The following XRN1 variants were observed in gnomAD, a reference collection of about 807,000 sequenced individuals.
XRN1 encodes strand-exchange protein 1 homolog.
A neutral mutation model predicts 222.3 loss-of-function variants in XRN1; 67 were observed. The observed-to-expected ratio is 0.30, with a 90% CI of 0.25 to 0.37. The LOEUF (loss-of-function observed/expected upper bound fraction) is 0.37, where lower values mean the gene tolerates loss of function less well. XRN1 is among the 10% of genes least tolerant of loss of function. XRN1 has a pLI of 1.00. For missense variants in XRN1, 1,707 were observed against 2,000.2 expected, an observed-to-expected ratio of 0.85 and a Z score of 2.80; for synonymous variants, 643 against 652.4, an observed-to-expected ratio of 0.99 and a Z score of 0.22.
intron 39 of XRN1, among the ~76,000 whole-genome samples, chr3:142,313,802 G>A (rs2065136940): frequency 6.6e-6 from 1 of 152,172 alleles, no homozygotes; most frequent in Admixed American, 6.5e-5. Flanking sequence ...GGGATGCCAG[G>A]CATGGCACGT....
At position 142,421,502 on chromosome 3, in the gene XRN1, C is replaced by G; in HGVS notation, c.1009G>C (p.Glu337Gln). ...ESGHLNLPRFEKYLVKLSDFD... is the reference protein window; with the variant it reads ...ESGHLNLPRFQKYLVKLSDFD... ...TCTGATAGTTTCACAAGGTATTTCT[C>G]AAATCGAGGTAAGTTGAGGTGCCCA... Residue 337 changes from glutamate (E) to glutamine (Q), a missense_variant, in exon 9 of 41, where the codon GAG becomes CAG. Transcript: ENST00000392981. 1 of 1,609,510 alleles carries G rather than the reference C, an allele frequency of 6.2e-7. No individual in the cohort carries two copies. The highest frequency in any genetic ancestry group is 1.3e-5 in the African/African-American group (1 of 74,804).
chr3:142,336,225 G>A (rs982304745), intron 33 of XRN1, among the ~76,000 whole-genome samples: 1 of 152,052 alleles, frequency 6.6e-6, no homozygotes, highest in African/African-American at 2.4e-5. Context: ...AGAATATGAA[G>A]ATGAAAAATA....
At chr3:142,334,995 C>A (rs371751954) in intron 34 of XRN1, among the ~76,000 whole-genome samples, 14 of 151,936 alleles carry the variant, frequency 9.2e-5, no homozygotes, top group Admixed American at 9.2e-4. Flanking sequence ...CATGCCACCA[C>A]GCCTGGCTGA....
rs916274286 is a variant in XRN1, at chr3:142,307,968, C to T, written c.*3543G>A. ...CAGTAAAAACAAAATTTGGAAGCAACATGATACCAAGAAATACAGCAAGCT... is the reference window on the plus strand; with the variant it reads ...CAGTAAAAACAAAATTTGGAAGCAATATGATACCAAGAAATACAGCAAGCT... On this transcript the variant is annotated 3_prime_UTR_variant, in exon 41 of 41. Coordinates refer to ENST00000392981, the MANE Select transcript of XRN1 (RefSeq NM_001282857.2). The T allele has an allele frequency of 6.6e-6, 1 of 152,128 alleles. No homozygotes were observed. Among genetic ancestry groups the T allele is most frequent in the African/African-American group, 2.4e-5 (1 of 41,436 alleles). The allele number at this position is 152,128 out of a possible 1,614,324, so 9.4% of individuals were successfully genotyped here.
At chr3:142,364,258 C>T (rs978088288) in intron 29 of XRN1, among the ~76,000 whole-genome samples, 4 of 152,268 alleles carry the variant, frequency 2.6e-5, no homozygotes, top group South Asian at 2.1e-4. Context: ...CCAAGAGGTT[C>T]GGTGCCTGGG....
At chr3:142,403,596 T>A (rs1409155862) in intron 18 of XRN1, 78 bp downstream of exon 18, 3 of 1,328,444 alleles carry the variant, frequency 2.3e-6, no homozygotes, top group Non-Finnish European at 3.2e-6. Flanking sequence ...ATATAATACC[T>A]CCCTGGTAAA....
At chr3:142,314,375 C>T (rs1199720490) in intron 39 of XRN1, among the ~76,000 whole-genome samples, 2 of 152,072 alleles carry the variant, frequency 1.3e-5, no homozygotes, top group East Asian at 1.9e-4. Flanking sequence ...GGAAAACAAA[C>T]ATTCCTCTTA....
At chr3:142,341,933 G>A (rs1406945802) in intron 33 of XRN1, among the ~76,000 whole-genome samples, 1 of 152,100 alleles carries the variant, frequency 6.6e-6, no homozygotes, top group Non-Finnish European at 1.5e-5. Context: ...CAGGTATATA[G>A]AGCAAATATT....
intron 18 of XRN1, 137 bp from the exon 19 acceptor site, chr3:142,400,684 A>C: frequency 1.7e-6 from 1 of 578,164 alleles, no homozygotes; most frequent in Non-Finnish European, 3.1e-6. Context: ...AGTGACTCAC[A>C]CCTGTAATCC....
At chr3:142,362,117 G>A (rs1176512473) in intron 29 of XRN1, among the ~76,000 whole-genome samples, 8 of 149,844 alleles carry the variant, frequency 5.3e-5, no homozygotes, top group African/African-American at 9.8e-5. Context: ...TACAGGTGCC[G>A]GCCACCATTC....
At chr3:142,351,596 T>A (rs903621232) in intron 32 of XRN1, among the ~76,000 whole-genome samples, 1 of 152,166 alleles carries the variant, frequency 6.6e-6, no homozygotes, top group Non-Finnish European at 1.5e-5. Context: ...TGCCTTTATC[T>A]ATTTGTTCAA....
intron 18 of XRN1, 140 bp downstream of exon 18, chr3:142,403,530 TATGA>T (rs2068224223): frequency 1.5e-6 from 1 of 664,816 alleles, no homozygotes; most frequent in Non-Finnish European, 2.6e-6. Context: ...ATCTAATTTG[TATGA>T]ATGTTTCTTT....
chr3:142,351,117 A>G (rs1224577823), intron 32 of XRN1, among the ~76,000 whole-genome samples: 2 of 152,160 alleles, frequency 1.3e-5, no homozygotes, highest in African/African-American at 4.8e-5. Flanking sequence ...CTATCTGTCT[A>G]TAATTATCTA....
intron 16 of XRN1, 70 bp downstream of exon 16, chr3:142,404,837 C>A: frequency 7.4e-6 from 11 of 1,477,236 alleles, no homozygotes; most frequent in Non-Finnish European, 1.0e-5. Context: ...AAAGCTCCCC[C>A]TTCACCACTT....
intron 26 of XRN1, 28 bp from the exon 27 acceptor site, chr3:142,370,648 T>C: frequency 6.5e-7 from 1 of 1,546,910 alleles, no homozygotes; most frequent in South Asian, 1.3e-5. Flanking sequence ...ATTTTTAAAA[T>C]TTGATTAAAA....
intron 22 of XRN1, among the ~76,000 whole-genome samples, chr3:142,380,994 T>G (rs965134858): frequency 8.0e-6 from 1 of 124,960 alleles, no homozygotes; most frequent in African/African-American, 2.9e-5. Flanking sequence ...TTGCAAATAA[T>G]TTCAAAGTAC....
intron 25 of XRN1, among the ~76,000 whole-genome samples, chr3:142,374,274 A>G (rs2067074532): frequency 6.6e-6 from 1 of 152,202 alleles, no homozygotes; most frequent in African/African-American, 2.4e-5. Context: ...GAGCTGCACA[A>G]CAGCCCTAGA....
chr3:142,445,197 AT>A (rs953526003), intron 1 of XRN1, among the ~76,000 whole-genome samples: 54 of 148,734 alleles, frequency 3.6e-4, no homozygotes, highest in African/African-American at 1.1e-3. Flanking sequence ...TCAGCTCTGC[AT>A]TTTTTTTTCA....
chr3:142,347,494 T>G, intron 32 of XRN1, 152 bp from the exon 33 acceptor site: 1 of 485,970 alleles, frequency 2.1e-6, no homozygotes, highest in Non-Finnish European at 3.4e-6. Context: ...TAAAGCCACT[T>G]GAACTCTATC....
Sources: gnomAD v4.1 joint callset for allele counts (sites outside exome capture counted in the v4.1 genomes callset) on GRCh38, gnomAD v4.1.1 for gene constraint, MANE v1.5 for transcripts, NCBI Gene and HGNC (gene_info 2026-07-23, HGNC 2026-07-21) for gene names.